The following PRDM16 variants were observed in gnomAD, a reference collection of about 807,000 sequenced individuals.
PRDM16 encodes the protein PR/SET domain 16.
A neutral mutation model predicts 110.6 loss-of-function variants in PRDM16; 23 were observed. The ratio of observed to expected loss-of-function variants is 0.21; its 90% CI spans 0.15 to 0.29. PRDM16 has a LOEUF of 0.29. PRDM16 is among the 10% of genes least tolerant of loss of function. The pLI, the probability that PRDM16 is intolerant of heterozygous loss-of-function variation, is 1.00. For synonymous variants in PRDM16, 799 were observed against 781.8 expected, an observed-to-expected ratio of 1.02 and a Z score of -0.37; for missense variants, 1,615 against 1,794.3, an observed-to-expected ratio of 0.90 and a Z score of 1.81.
rs767537248 is a variant in PRDM16, at chr1:3,186,175, G to A, written c.88G>A (p.Ala30Thr). Residue 30 changes from alanine to threonine, a missense_variant, in exon 2 of 17, where the codon GCC becomes ACC. Ala to Thr is a moderately conservative substitution (Grantham distance 58, BLOSUM62 0). Transcript: ENST00000270722. ...GTATGAGCCCAACCGGGACCTGCTG[G>A]CCAGCCACAGCGCGGAGGACGAGGC... ...NMYEPNRDLL[A>T]SHSAEDEAED... 6.2e-7 allele frequency: 1 copy of A among 1,612,770 alleles called. No homozygotes were observed. Among genetic ancestry groups the A allele is most frequent in the East Asian group, 2.2e-5 (1 of 44,890 alleles).
At chr1:3,166,573 C>T (rs1419616032) in intron 1 of PRDM16, among the ~76,000 whole-genome samples, 1 of 152,218 alleles carries the variant, frequency 6.6e-6, no homozygotes, top group Admixed American at 6.5e-5. Flanking sequence ...AGAGAAAGTG[C>T]TCACGAAGGG....
At chr1:3,144,120 C>G (rs1248199764) in intron 1 of PRDM16, among the ~76,000 whole-genome samples, 1 of 152,224 alleles carries the variant, frequency 6.6e-6, no homozygotes, top group Non-Finnish European at 1.5e-5. Context: ...AGGGACCTAT[C>G]TGCCACCTGG....
rs374825459 is a variant in PRDM16 at position 3,310,915 on chromosome 1, C to T, written c.438+66778C>T. On this transcript the variant is annotated intron_variant, in intron 3 of 16. Coordinates refer to ENST00000270722, the MANE Select transcript of PRDM16 (RefSeq NM_022114.4). ...TGAGACATGTGGGCATGTGTGGGCA[C>T]GTGTGCATGCATGTGAGTGTGCGTG... 1.4e-4 allele frequency among the ~76,000 whole-genome samples: 21 copies of T among 151,296 alleles called. No individual in the cohort carries two copies. In the South Asian group the frequency reaches 2.7e-3, roughly 20 times the overall value.
rs1557452055 is a variant in PRDM16, at chr1:3,109,941, CG to C, written c.37+40650del. Among the ~76,000 whole-genome samples, 3 of 150,802 alleles carry C rather than the reference CG, an allele frequency of 2.0e-5. No homozygotes were observed. In the East Asian group the frequency reaches 5.9e-4, roughly 30 times the overall value. ...GTCCTGCGTGTGGGGACACAGTGCT[CG>C]GGGGCTCCCCTATGTCCTGGGTGTG... On this transcript the variant is annotated intron_variant, in intron 1 of 16. Coordinates refer to ENST00000270722, the MANE Select transcript of PRDM16 (RefSeq NM_022114.4).
intron 1 of PRDM16, among the ~76,000 whole-genome samples, chr1:3,118,103 A>ATGTGTGTGTGCGTG (rs1210526111): frequency 6.8e-6 from 1 of 147,674 alleles, no homozygotes; most frequent in Non-Finnish European, 1.5e-5. Flanking sequence ...GTGTACATGC[A>ATGTGTGTGTGCGTG]TGTGTGTGTG....
chr1:3,361,013 G>A (rs750538034), intron 3 of PRDM16, among the ~76,000 whole-genome samples: 4 of 152,234 alleles, frequency 2.6e-5, no homozygotes, highest in Non-Finnish European at 4.4e-5. Flanking sequence ...TGTGTGTGCT[G>A]GAGCGAGGAC....
intron 1 of PRDM16, among the ~76,000 whole-genome samples, chr1:3,078,509 C>T (rs533500260): frequency 1.1e-4 from 16 of 152,354 alleles, no homozygotes; most frequent in East Asian, 7.7e-4. Context: ...TGCACTGGCG[C>T]GGAGGTGCCT....
chr1:3,093,874 C>T (rs1216020562), intron 1 of PRDM16, among the ~76,000 whole-genome samples: 2 of 152,232 alleles, frequency 1.3e-5, no homozygotes, highest in African/African-American at 4.8e-5. Flanking sequence ...CAGGCCTGTG[C>T]ACCCCATCCC....
At chr1:3,280,517 T>C (rs765392578) in intron 3 of PRDM16, among the ~76,000 whole-genome samples, 3 of 152,194 alleles carry the variant, frequency 2.0e-5, no homozygotes, top group Non-Finnish European at 4.4e-5. Flanking sequence ...AGGGACGGCG[T>C]ACATTCCAAC....
Position 3,143,539 on chromosome 1 carries a change from G to A in PRDM16, c.38-42586G>A, listed in dbSNP as rs186395754. 7.3e-3 allele frequency among the ~76,000 whole-genome samples: 1,115 copies of A among 152,260 alleles called. 20 individuals carry two copies. Among genetic ancestry groups the A allele is most frequent in the African/African-American group, 0.025 (1,044 of 41,544 alleles). ...GTCACCCAGGCTGGAGTGCACTGGC[G>A]CAATCTCCGCTCACTGCAGTCTCTG... is the stretch of plus-strand genomic sequence containing the variant. On this transcript the variant is annotated intron_variant, in intron 1 of 16. Transcript: ENST00000270722. This position sits in a 1 kb window ranked among gnomAD's most constrained non-coding sequence, Gnocchi z 4.5.
At chr1:3,267,763 C>A (rs1447263356) in intron 3 of PRDM16, among the ~76,000 whole-genome samples, 1 of 152,216 alleles carries the variant, frequency 6.6e-6, no homozygotes, top group Non-Finnish European at 1.5e-5. Context: ...CCTCAGTGAG[C>A]CGCTTCTCCA....
At chr1:3,187,026 C>T (rs1644277009) in intron 2 of PRDM16, among the ~76,000 whole-genome samples, 2 of 152,250 alleles carry the variant, frequency 1.3e-5, no homozygotes, top group South Asian at 2.1e-4. Context: ...TTTAAATTTT[C>T]CCACCACGAC....
intron 3 of PRDM16, among the ~76,000 whole-genome samples, chr1:3,357,360 C>A (rs192356764): frequency 6.9e-6 from 1 of 144,334 alleles, no homozygotes; most frequent in African/African-American, 2.5e-5. Flanking sequence ...CCCCACCCCC[C>A]GCCCCGAGCT....
chr1:3,196,668 AC>A (rs1303941831), intron 2 of PRDM16, among the ~76,000 whole-genome samples: 1 of 152,064 alleles, frequency 6.6e-6, no homozygotes, highest in Admixed American at 6.5e-5. Context: ...CACATTCTCT[AC>A]CTACTACTGG....
rs1016599754 is a variant in PRDM16 at position 3,412,181 on chromosome 1, G to A, written c.1984G>A (p.Val662Met). 2.4e-5 allele frequency: 38 copies of A among 1,589,504 alleles called. No individual in the cohort carries two copies. The highest frequency in any genetic ancestry group is 4.5e-5 in the East Asian group (2 of 44,440). The change falls in exon 9 of 17, where the codon GTG becomes ATG. Residue 662 changes from valine (V) to methionine (M), a missense_variant. Physicochemically the swap from Val to Met is conservative, Grantham distance 21. Around this residue, in one of 5 missense-constraint regions of PRDM16, gnomAD observed 772 missense variants for 748.3 expected, o/e 1.03. Coordinates refer to ENST00000270722, the MANE Select transcript of PRDM16 (RefSeq NM_022114.4). ...GLAPPGAPNS[V>M]AEVPVFYSQH... ...GGCGCCCCCGGGGGCCCCGAACAGC[G>A]TGGCCGAGGTGCCTGTCTTCTATTC...
intron 1 of PRDM16, among the ~76,000 whole-genome samples, chr1:3,073,042 C>T (rs918135848): frequency 3.9e-5 from 6 of 152,260 alleles, no homozygotes; most frequent in Non-Finnish European, 8.8e-5. Context: ...TCGGGGGGTC[C>T]TCCTTGTCCT....
chr1:3,246,413 A>G lies in PRDM16; in HGVS notation c.438+2276A>G, dbSNP rs2100917913. 6.6e-6 allele frequency among the ~76,000 whole-genome samples: 1 copy of G among 152,312 alleles called. No homozygotes were observed. Among genetic ancestry groups the G allele is most frequent in the South Asian group, 2.1e-4 (1 of 4,824 alleles). ...CACGGAATCAGAGCAGACCCGATGC[A>G]CGAGACCCCCCACGGCACCGCCGCG... is the stretch of plus-strand genomic sequence containing the variant. On this transcript the variant is annotated intron_variant, in intron 3 of 16. Transcript: ENST00000270722. The surrounding 1 kb of genome is among the most constrained non-coding windows in gnomAD (Gnocchi z 5.2).
At chr1:3,149,770 C>T (rs1162194991) in intron 1 of PRDM16, among the ~76,000 whole-genome samples, 3 of 152,254 alleles carry the variant, frequency 2.0e-5, no homozygotes, top group African/African-American at 7.2e-5. Flanking sequence ...CATCCATCCA[C>T]CTTCACCGCT....
intron 1 of PRDM16, among the ~76,000 whole-genome samples, chr1:3,181,333 AGCAGTCTTACACAC>A (rs1176684280): frequency 7.9e-5 from 2 of 25,448 alleles, no homozygotes; most frequent in African/African-American, 2.0e-4. Flanking sequence ...ATCTTACACA[AGCAGTCTTACACAC>A]GGTCTTACAC....
Sources: allele counts gnomAD v4.1 joint callset (sites outside exome capture counted in the v4.1 genomes callset), GRCh38; gene constraint gnomAD v4.1.1; regional missense constraint gnomAD v4.1.1; non-coding constraint Gnocchi (gnomAD v3.1); transcripts MANE v1.5; gene names NCBI Gene and HGNC (gene_info 2026-07-23, HGNC 2026-07-21).